CACHD1: variants seen among roughly 807,000 people sequenced by gnomAD.
CACHD1 encodes the protein VWFA and cache domain-containing protein 1.
In CACHD1, 71 loss-of-function variants were observed where a neutral mutation model predicts 138.7. That is an observed-to-expected ratio of 0.51 (90% CI 0.42 to 0.62). The LOEUF (loss-of-function observed/expected upper bound fraction) is 0.62, where lower values mean the gene tolerates loss of function less well. Among genes scored for constraint, CACHD1 ranks in the 20% least tolerant of loss-of-function variants. The pLI, the probability that CACHD1 is intolerant of heterozygous loss-of-function variation, is 0.00. For missense variants in CACHD1, 1,389 were observed against 1,625.3 expected (o/e 0.85, Z 2.50); for synonymous variants, 578 against 591.5 (o/e 0.98, Z 0.33).
rs778379652 is a variant in CACHD1, at chr1:64,629,496, A to G, written c.644+15A>G. 3 of 1,610,406 alleles carry G rather than the reference A, an allele frequency of 1.9e-6. No individual in the cohort carries two copies. The highest frequency in any genetic ancestry group is 1.7e-5 in the Admixed American group (1 of 59,132). Reference sequence around the variant, plus strand: ...CACCGCAGTAGGTATGTTGACTTGCATGCTAAAGTTTTTAATTATTGCTTA... The same window carrying G: ...CACCGCAGTAGGTATGTTGACTTGCGTGCTAAAGTTTTTAATTATTGCTTA... On this transcript the variant is annotated intron_variant, in intron 5 of 26. Coordinates refer to ENST00000651257, the MANE Select transcript of CACHD1 (RefSeq NM_020925.4).
intron 23 of CACHD1, among the ~76,000 whole-genome samples, 191 bp downstream of exon 23, chr1:64,678,501 C>T (rs1355610730): frequency 6.6e-6 from 1 of 152,086 alleles, no homozygotes; most frequent in Non-Finnish European, 1.5e-5. Context: ...AGTGAGTGGC[C>T]ATCTGTGCTG....
intron 1 of CACHD1, among the ~76,000 whole-genome samples, chr1:64,540,412 T>C (rs1283456488): frequency 6.6e-6 from 1 of 151,774 alleles, no homozygotes; most frequent in Non-Finnish European, 1.5e-5. Flanking sequence ...CGACTTTCCA[T>C]TTCTGAGAGG....
At chr1:64,481,859 C>T (rs1327690478) in intron 1 of CACHD1, among the ~76,000 whole-genome samples, 1 of 152,110 alleles carries the variant, frequency 6.6e-6, no homozygotes, top group Admixed American at 6.6e-5. Flanking sequence ...CATCAGTCTG[C>T]TTGACTCTAT....
chr1:64,636,584 A>G (rs1648533912), intron 7 of CACHD1, among the ~76,000 whole-genome samples: 1 of 152,206 alleles, frequency 6.6e-6, no homozygotes. Context: ...GTTTGTTGGC[A>G]GAGTTCATTT....
chr1:64,595,068 G>T (rs1327219144), intron 3 of CACHD1, among the ~76,000 whole-genome samples: 1 of 152,188 alleles, frequency 6.6e-6, no homozygotes, highest in Non-Finnish European at 1.5e-5. Context: ...GAGATGTATG[G>T]ACAGGACTCT....
At chr1:64,555,503 T>G (rs1447661364) in intron 2 of CACHD1, among the ~76,000 whole-genome samples, 2 of 152,130 alleles carry the variant, frequency 1.3e-5, no homozygotes, top group East Asian at 3.9e-4. Context: ...CACTGCAACC[T>G]CCGCCTCCTG....
intron 3 of CACHD1, among the ~76,000 whole-genome samples, chr1:64,596,586 G>C (rs1351440898): frequency 1.3e-5 from 2 of 152,156 alleles, no homozygotes; most frequent in Non-Finnish European, 2.9e-5. Flanking sequence ...AACAAAGCTT[G>C]GTAATTCAGT....
chr1:64,680,217 G>A (rs1299293104), intron 24 of CACHD1, among the ~76,000 whole-genome samples: 7 of 152,164 alleles, frequency 4.6e-5, no homozygotes, highest in East Asian at 1.9e-4. Context: ...GGCCAATCGC[G>A]GTGGCTCATG....
chr1:64,501,191 T>G (rs1557463852), intron 1 of CACHD1, among the ~76,000 whole-genome samples: 1 of 152,186 alleles, frequency 6.6e-6, no homozygotes, highest in Non-Finnish European at 1.5e-5. Context: ...CTCCTGCATT[T>G]TAATACAGAA....
At chr1:64,609,884 T>A (rs929732642) in intron 4 of CACHD1, among the ~76,000 whole-genome samples, 10 of 152,178 alleles carry the variant, frequency 6.6e-5, no homozygotes, top group Admixed American at 5.9e-4. Flanking sequence ...TTGCTGCTAA[T>A]AATAAAGACA....
intron 12 of CACHD1, among the ~76,000 whole-genome samples, chr1:64,657,197 C>T (rs1649290910): frequency 6.6e-6 from 1 of 152,050 alleles, no homozygotes; most frequent in Non-Finnish European, 1.5e-5. Flanking sequence ...AAACATGGAT[C>T]CCATGTTATA....
chr1:64,535,308 C>G (rs307338), intron 1 of CACHD1, among the ~76,000 whole-genome samples: 24,051 of 149,020 alleles, frequency 0.16, 3,812 homozygotes, highest in African/African-American at 0.42. Context: ...TTTAAGTATA[C>G]TTGATGGGAA....
chr1:64,592,164 G>A (rs12402220), intron 3 of CACHD1, among the ~76,000 whole-genome samples: 9,690 of 152,236 alleles, frequency 0.064, 450 homozygotes, highest in Admixed American at 0.15. Flanking sequence ...AAACATGTTT[G>A]ATATTGATTT....
chr1:64,529,561 T>G (rs1361831590), intron 1 of CACHD1, among the ~76,000 whole-genome samples: 1 of 152,194 alleles, frequency 6.6e-6, no homozygotes, highest in Non-Finnish European at 1.5e-5. Context: ...ATAAAAGTTA[T>G]TACTTATTGA....
intron 22 of CACHD1, 29 bp from the exon 23 acceptor site, chr1:64,678,130 T>C: frequency 6.2e-7 from 1 of 1,606,238 alleles, no homozygotes; most frequent in Non-Finnish European, 8.5e-7. Flanking sequence ...CACTGCTTTA[T>C]AGAAGACTAA....
At chr1:64,616,895 G>T (rs1042759996) in intron 4 of CACHD1, among the ~76,000 whole-genome samples, 1 of 152,004 alleles carries the variant, frequency 6.6e-6, no homozygotes, top group Non-Finnish European at 1.5e-5. Flanking sequence ...GTAGAGAATC[G>T]GTGTAGACCA....
chr1:64,640,567 A>G lies in CACHD1; in HGVS notation c.1007-1253A>G, dbSNP rs576963901. On this transcript the variant is annotated intron_variant, in intron 7 of 26. Coordinates refer to ENST00000651257, the MANE Select transcript of CACHD1 (RefSeq NM_020925.4). ...TGGCACGTGCCTGTAGTCCCACTAC[A>G]GTAATCTGAGGCATGAGAATCGCTT... Among the ~76,000 whole-genome samples the G allele has an allele frequency of 1.4e-4, 21 of 152,082 alleles. 1 individual carries two copies. Among genetic ancestry groups the G allele is most frequent in the African/African-American group, 3.6e-4 (15 of 41,476 alleles).
intron 1 of CACHD1, among the ~76,000 whole-genome samples, chr1:64,516,707 AC>A (rs1646462092): frequency 6.6e-6 from 1 of 152,142 alleles, no homozygotes; most frequent in South Asian, 2.1e-4. Context: ...CTGAATCTGA[AC>A]CCAGGTTTTT....
At chr1:64,667,589 C>A (rs1432918293) in intron 16 of CACHD1, among the ~76,000 whole-genome samples, 1 of 152,214 alleles carries the variant, frequency 6.6e-6, no homozygotes, top group Non-Finnish European at 1.5e-5. Flanking sequence ...AAGCACACTC[C>A]TACTGATGTC....
Sources: allele counts gnomAD v4.1 joint callset (sites outside exome capture counted in the v4.1 genomes callset), GRCh38; gene constraint gnomAD v4.1.1; transcripts MANE v1.5; gene names NCBI Gene and HGNC (gene_info 2026-07-23, HGNC 2026-07-21).